IMMP2L: variants seen among roughly 807,000 people sequenced by gnomAD.
IMMP2L encodes mitochondrial inner membrane protease subunit 2.
Under a neutral mutation model 19.3 loss-of-function variants are expected in IMMP2L, and 18 were observed. The observed-to-expected ratio is 0.93, with a 90% CI of 0.64 to 1.38. IMMP2L has a LOEUF of 1.38. Ranked by LOEUF, IMMP2L falls within the 40% of genes most tolerant of loss-of-function variation. IMMP2L has a pLI of 0.00. For missense variants in IMMP2L, 233 were observed against 218.2 expected (o/e 1.07, Z -0.43); for synonymous variants, 76 against 73.0 (o/e 1.04, Z -0.21).
intron 3 of IMMP2L, among the ~76,000 whole-genome samples, chr7:111,340,713 T>C (rs1392619377): frequency 6.6e-6 from 1 of 152,020 alleles, no homozygotes; most frequent in African/African-American, 2.4e-5. Flanking sequence ...GATGGAAACA[T>C]AAATCATAGA....
At chr7:111,302,170 C>G (rs1304367383) in intron 3 of IMMP2L, among the ~76,000 whole-genome samples, 1 of 152,032 alleles carries the variant, frequency 6.6e-6, no homozygotes, top group Non-Finnish European at 1.5e-5. Context: ...GGTTAGTTCT[C>G]TGTCATCAGT....
intron 4 of IMMP2L, among the ~76,000 whole-genome samples, chr7:110,939,792 A>G (rs1816537359): frequency 6.6e-6 from 1 of 152,196 alleles, no homozygotes; most frequent in African/African-American, 2.4e-5. Flanking sequence ...GCAGGCTGTT[A>G]GAAAAGCTCC....
chr7:111,539,190 AGGAGGG>A lies in IMMP2L; in HGVS notation c.-2-17747_-2-17742del, dbSNP rs1563330465. Among the ~76,000 whole-genome samples the A allele has an allele frequency of 6.6e-4, 39 of 59,008 alleles. 1 individual carries two copies. Among genetic ancestry groups the A allele is most frequent in the African/African-American group, 1.8e-3 (21 of 11,698 alleles). The allele number at this position is 59,008 out of a possible 152,430, so 38.7% of individuals were successfully genotyped here. A position where few individuals can be genotyped will look rare whatever the true frequency, so the allele number is the denominator to read the frequency against. ...AAGGAAGGAAGGAAGGAAGGAAGGAAGGAGGGAGAAAGAAAGAAAGAAAGAAAGAAA... is the reference window on the plus strand; with the variant it reads ...AAGGAAGGAAGGAAGGAAGGAAGGAAAGAAAGAAAGAAAGAAAGAAAGAAA... On this transcript the variant is annotated intron_variant, in intron 1 of 5. Coordinates refer to ENST00000405709, the MANE Select transcript of IMMP2L (RefSeq NM_032549.4).
intron 5 of IMMP2L, chr7:110,724,342 T>C (rs1372341673): frequency 6.6e-6 from 1 of 152,172 alleles, no homozygotes; most frequent in Non-Finnish European, 1.5e-5. Context: ...TCTACCAAAC[T>C]AAGCTTAGAT....
At chr7:110,906,414 G>C (rs183598518) in intron 4 of IMMP2L, among the ~76,000 whole-genome samples, 2 of 152,282 alleles carry the variant, frequency 1.3e-5, no homozygotes, top group Admixed American at 1.3e-4. Context: ...AGCTGGTCTA[G>C]GTGAAGAATC....
chr7:110,899,047 AT>A (rs1197025822), intron 4 of IMMP2L, among the ~76,000 whole-genome samples: 1 of 151,880 alleles, frequency 6.6e-6, no homozygotes, highest in Non-Finnish European at 1.5e-5. Flanking sequence ...TTGTAATTTT[AT>A]TTTTTAATAA....
chr7:111,558,707 G>A (rs1304852164), intron 1 of IMMP2L, among the ~76,000 whole-genome samples: 10 of 152,124 alleles, frequency 6.6e-5, no homozygotes, highest in Admixed American at 6.5e-4. Context: ...GTTGATTAGA[G>A]TCTACAGTAC....
chr7:110,869,049 C>T (rs1231818280), intron 5 of IMMP2L, among the ~76,000 whole-genome samples: 3 of 152,004 alleles, frequency 2.0e-5, no homozygotes, highest in Non-Finnish European at 4.4e-5. Flanking sequence ...TACCAGGGTG[C>T]TCATTTTTAC....
intron 3 of IMMP2L, among the ~76,000 whole-genome samples, chr7:111,151,588 C>G (rs1210653395): frequency 6.6e-6 from 1 of 152,154 alleles, no homozygotes; most frequent in Non-Finnish European, 1.5e-5. Flanking sequence ...TGGACCTCCT[C>G]TTTTGAAAAA....
intron 5 of IMMP2L, among the ~76,000 whole-genome samples, chr7:110,740,925 TA>T (rs60479900): frequency 0.34 from 48,476 of 144,280 alleles, 9,487 homozygotes; most frequent in East Asian, 0.68. Context: ...TACTGTATAT[TA>T]AAAAAAAAAA....
chr7:111,109,566 G>T (rs1798948297), intron 3 of IMMP2L, among the ~76,000 whole-genome samples: 1 of 152,086 alleles, frequency 6.6e-6, no homozygotes, highest in African/African-American at 2.4e-5. Context: ...ACCTGAAAAT[G>T]GAGTCAAGGA....
chr7:111,425,124 A>G (rs1003010229), intron 3 of IMMP2L, among the ~76,000 whole-genome samples: 6 of 151,708 alleles, frequency 4.0e-5, no homozygotes, highest in African/African-American at 1.5e-4. Flanking sequence ...TTATTTAGGG[A>G]TTGCTTCCCC....
chr7:110,853,163 C>T (rs1563026160), intron 5 of IMMP2L, among the ~76,000 whole-genome samples: 1 of 151,834 alleles, frequency 6.6e-6, no homozygotes, highest in Non-Finnish European at 1.5e-5. Context: ...CACATTTATA[C>T]AGGCATAGAA....
chr7:110,826,649 A>G (rs1466268163), intron 5 of IMMP2L, among the ~76,000 whole-genome samples: 7 of 151,986 alleles, frequency 4.6e-5, no homozygotes, highest in African/African-American at 7.2e-5. Flanking sequence ...AGAACACTTC[A>G]ACACAGGAAG....
intron 3 of IMMP2L, among the ~76,000 whole-genome samples, chr7:111,486,141 A>G (rs1432360890): frequency 6.6e-6 from 1 of 152,216 alleles, no homozygotes; most frequent in Non-Finnish European, 1.5e-5. Context: ...CCTGAGAAGC[A>G]TTTAATCCCC....
At chr7:110,826,232 G>A (rs1370390861) in intron 5 of IMMP2L, among the ~76,000 whole-genome samples, 1 of 152,166 alleles carries the variant, frequency 6.6e-6, no homozygotes, top group Non-Finnish European at 1.5e-5. Flanking sequence ...CTTTTACACT[G>A]TTGGTGGGAC....
At chr7:110,843,332 A>G (rs1488432592) in intron 5 of IMMP2L, among the ~76,000 whole-genome samples, 2 of 152,180 alleles carry the variant, frequency 1.3e-5, no homozygotes, top group East Asian at 3.8e-4. Context: ...TTTATTACTG[A>G]TTTGAGATTT....
intron 3 of IMMP2L, among the ~76,000 whole-genome samples, chr7:111,274,450 C>G (rs113711359): frequency 2.6e-5 from 4 of 152,204 alleles, no homozygotes; most frequent in African/African-American, 9.6e-5. Context: ...TACAGAAGAG[C>G]CTCAATTTTA....
intron 3 of IMMP2L, among the ~76,000 whole-genome samples, chr7:111,477,763 TGGTGCATGCC>T (rs1413445047): frequency 6.6e-6 from 1 of 151,996 alleles, no homozygotes; most frequent in Non-Finnish European, 1.5e-5. Context: ...CCAAGTGTGG[TGGTGCATGCC>T]TATAATCCCA....
Sources: gnomAD v4.1 joint callset for allele counts (sites outside exome capture counted in the v4.1 genomes callset) on GRCh38, gnomAD v4.1.1 for gene constraint, MANE v1.5 for transcripts, NCBI Gene and HGNC (gene_info 2026-07-23, HGNC 2026-07-21) for gene names.